Variants in SNX7 observed in about 807,000 individuals in gnomAD.
SNX7 encodes the protein sorting nexin 7.
Under a neutral mutation model 48.4 loss-of-function variants are expected in SNX7, and 35 were observed. The ratio of observed to expected loss-of-function variants is 0.72; its 90% CI spans 0.55 to 0.96. The LOEUF (loss-of-function observed/expected upper bound fraction) is 0.96, where lower values mean the gene tolerates loss of function less well. Among genes scored for constraint, SNX7 ranks in the 40% least tolerant of loss-of-function variants. The pLI is 0.00. For missense variants in SNX7, 553 were observed against 548.9 expected (o/e 1.01, Z -0.07); for synonymous variants, 190 against 190.2 (o/e 1.00, Z 0.01).
intron 2 of SNX7, among the ~76,000 whole-genome samples, chr1:98,690,637 A>G (rs1651067543): frequency 6.6e-6 from 1 of 152,086 alleles, no homozygotes; most frequent in Non-Finnish European, 1.5e-5. Context: ...TCTCAGTTAC[A>G]TTCAGGTTAT....
At chr1:98,662,586 C>T in intron 1 of SNX7, 1 of 967,960 alleles carries the variant, frequency 1.0e-6, no homozygotes, top group Non-Finnish European at 1.3e-6. Flanking sequence ...GCTTATTTTA[C>T]TGTTGGAGGG....
intron 1 of SNX7, among the ~76,000 whole-genome samples, chr1:98,669,909 C>T (rs1242213645): frequency 6.6e-6 from 1 of 152,110 alleles, no homozygotes; most frequent in African/African-American, 2.4e-5. Flanking sequence ...ATCTTGATTG[C>T]TTGTCTGTTT....
At chr1:98,747,683 T>C (rs1374625192) in intron 8 of SNX7, among the ~76,000 whole-genome samples, 1 of 152,148 alleles carries the variant, frequency 6.6e-6, no homozygotes, top group Non-Finnish European at 1.5e-5. Flanking sequence ...AAGTTTATAG[T>C]CGATTTAATA....
chr1:98,733,226 C>T (rs1295116766), intron 7 of SNX7, among the ~76,000 whole-genome samples: 1 of 152,046 alleles, frequency 6.6e-6, no homozygotes, highest in Non-Finnish European at 1.5e-5. Flanking sequence ...TCCTATCACA[C>T]CCTACGGTAT....
intron 1 of SNX7, among the ~76,000 whole-genome samples, chr1:98,667,202 A>G (rs182890656): frequency 1.1e-4 from 16 of 152,358 alleles, no homozygotes; most frequent in Admixed American, 6.5e-4. Context: ...ACAATAGCTA[A>G]TAGTCTGTAT....
chr1:98,746,475 C>T (rs1320468125), intron 8 of SNX7, among the ~76,000 whole-genome samples: 1 of 152,034 alleles, frequency 6.6e-6, no homozygotes, highest in African/African-American at 2.4e-5. Flanking sequence ...ACCTAGTCAC[C>T]TTTCTTTATC....
chr1:98,737,166 T>G (rs1259994834), intron 7 of SNX7, among the ~76,000 whole-genome samples: 1 of 152,018 alleles, frequency 6.6e-6, no homozygotes, highest in Non-Finnish European at 1.5e-5. Context: ...GTCATTGCCC[T>G]TGGTGTTTCC....
chr1:98,661,983 G>A (rs570273994), intron 1 of SNX7, 72 bp downstream of exon 1: 1 of 1,233,596 alleles, frequency 8.1e-7, no homozygotes. Context: ...TGCGCCGACG[G>A]CTGCCTCTGG....
chr1:98,725,787 G>A (rs1001775957), intron 7 of SNX7, among the ~76,000 whole-genome samples: 3 of 152,120 alleles, frequency 2.0e-5, no homozygotes, highest in Non-Finnish European at 4.4e-5. Flanking sequence ...TTGAGGTAGC[G>A]TGGCAACCTA....
intron 4 of SNX7, among the ~76,000 whole-genome samples, chr1:98,693,368 TAAA>T (rs1393289092): frequency 6.6e-6 from 1 of 152,170 alleles, no homozygotes; most frequent in Non-Finnish European, 1.5e-5. Flanking sequence ...GGGTCAATAT[TAAA>T]CAGTTACTGG....
chr1:98,742,608 TATTA>T (rs1654126269), intron 8 of SNX7, among the ~76,000 whole-genome samples: 1 of 152,154 alleles, frequency 6.6e-6, no homozygotes, highest in Non-Finnish European at 1.5e-5. Context: ...ATGCTTGTTT[TATTA>T]TCTTATTTTT....
intron 7 of SNX7, among the ~76,000 whole-genome samples, chr1:98,717,613 C>G (rs1248936315): frequency 6.6e-6 from 1 of 152,086 alleles, no homozygotes; most frequent in Admixed American, 6.6e-5. Context: ...TTCTCTTTGC[C>G]AGAACATCAT....
At chr1:98,697,202 A>C (rs1207527163) in intron 5 of SNX7, among the ~76,000 whole-genome samples, 1 of 152,128 alleles carries the variant, frequency 6.6e-6, no homozygotes, top group African/African-American at 2.4e-5. Flanking sequence ...ACATAAAGAC[A>C]GGCCTAGGAT....
intron 7 of SNX7, among the ~76,000 whole-genome samples, chr1:98,724,463 A>T (rs1653062071): frequency 6.6e-6 from 1 of 151,938 alleles, no homozygotes; most frequent in South Asian, 2.1e-4. Flanking sequence ...TTTGTTAATG[A>T]AGAAATAACT....
intron 8 of SNX7, among the ~76,000 whole-genome samples, chr1:98,740,884 C>A (rs915840039): frequency 2.6e-5 from 4 of 152,144 alleles, no homozygotes; most frequent in Non-Finnish European, 5.9e-5. Context: ...TTTTGTATAA[C>A]TTCCAGAGAT....
intron 7 of SNX7, among the ~76,000 whole-genome samples, chr1:98,720,364 A>G (rs1652800211): frequency 6.6e-6 from 1 of 152,084 alleles, no homozygotes. Flanking sequence ...CATTAATTGA[A>G]TTTGCCTCAG....
chr1:98,693,497 A>G (rs1273205889), intron 4 of SNX7, among the ~76,000 whole-genome samples: 4 of 152,226 alleles, frequency 2.6e-5, no homozygotes, highest in Non-Finnish European at 4.4e-5. Flanking sequence ...ATGTGAAATG[A>G]ATATGCGGCC....
chr1:98,757,990 C>T (rs1479106951), intron 8 of SNX7, among the ~76,000 whole-genome samples: 1 of 152,050 alleles, frequency 6.6e-6, no homozygotes, highest in East Asian at 1.9e-4. Flanking sequence ...TTACTCCCAT[C>T]ATGTCCTGTA....
intron 8 of SNX7, among the ~76,000 whole-genome samples, chr1:98,745,950 C>A (rs1488897788): frequency 6.6e-6 from 1 of 151,970 alleles, no homozygotes; most frequent in African/African-American, 2.4e-5. Context: ...TAATGATTAA[C>A]CTTGTCCTTT....
Sources: allele counts gnomAD v4.1 joint callset (sites outside exome capture counted in the v4.1 genomes callset), GRCh38; gene constraint gnomAD v4.1.1; transcripts MANE v1.5; gene names NCBI Gene and HGNC (gene_info 2026-07-23, HGNC 2026-07-21).